IMMP2L: variants seen among roughly 807,000 people sequenced by gnomAD.
IMMP2L encodes mitochondrial inner membrane protease subunit 2.
IMMP2L carries 18 observed loss-of-function variants against 19.3 expected under a neutral mutation model. The ratio of observed to expected loss-of-function variants is 0.93; its 90% CI spans 0.64 to 1.38. IMMP2L has a LOEUF of 1.38. Ranked by LOEUF, IMMP2L falls within the 40% of genes most tolerant of loss-of-function variation. IMMP2L has a pLI of 0.00. For missense variants in IMMP2L, 233 were observed against 218.2 expected (o/e 1.07, Z -0.43); for synonymous variants, 76 against 73.0 (o/e 1.04, Z -0.21).
intron 3 of IMMP2L, among the ~76,000 whole-genome samples, chr7:111,047,008 T>C (rs1437772824): frequency 6.6e-6 from 1 of 152,076 alleles, no homozygotes; most frequent in Non-Finnish European, 1.5e-5. Context: ...AGATCATATA[T>C]CTCCTTTGCT....
intron 3 of IMMP2L, among the ~76,000 whole-genome samples, chr7:111,344,476 T>A (rs1213412194): frequency 6.6e-6 from 1 of 152,230 alleles, no homozygotes; most frequent in Non-Finnish European, 1.5e-5. Context: ...CTATTACCCA[T>A]TCACTGATCT....
At chr7:111,216,620 G>C (rs1449948641) in intron 3 of IMMP2L, among the ~76,000 whole-genome samples, 4 of 151,978 alleles carry the variant, frequency 2.6e-5, no homozygotes, top group African/African-American at 9.7e-5. Flanking sequence ...CTGTGCAATA[G>C]AACTAAAAAG....
intron 5 of IMMP2L, among the ~76,000 whole-genome samples, chr7:110,828,277 C>T (rs760775139): frequency 3.9e-5 from 6 of 152,138 alleles, no homozygotes; most frequent in Admixed American, 6.5e-5. Flanking sequence ...ATACGGCCCA[C>T]GGGCCATAGT....
At chr7:110,810,066 C>G (rs1005719010) in intron 5 of IMMP2L, among the ~76,000 whole-genome samples, 3 of 152,042 alleles carry the variant, frequency 2.0e-5, no homozygotes, top group Admixed American at 6.6e-5. Flanking sequence ...GAGCCGGTGT[C>G]CTCACTATTC....
intron 2 of IMMP2L, among the ~76,000 whole-genome samples, chr7:111,503,021 T>C (rs1241512591): frequency 5.3e-5 from 8 of 151,646 alleles, no homozygotes; most frequent in Non-Finnish European, 7.4e-5. Flanking sequence ...AAAAAATTAA[T>C]GAATCCAGGA....
chr7:111,479,718 A>G (rs557223455), intron 3 of IMMP2L, among the ~76,000 whole-genome samples: 1 of 152,268 alleles, frequency 6.6e-6, no homozygotes, highest in East Asian at 1.9e-4. Flanking sequence ...TTTTTTAAAT[A>G]TAAGAAACAG....
At chr7:110,771,775 C>T (rs1294357654) in intron 5 of IMMP2L, among the ~76,000 whole-genome samples, 1 of 152,080 alleles carries the variant, frequency 6.6e-6, no homozygotes, top group Non-Finnish European at 1.5e-5. Context: ...AATGGCTTTA[C>T]ACATATTACA....
At chr7:110,685,233 G>A (rs1793030349) in intron 5 of IMMP2L, among the ~76,000 whole-genome samples, 1 of 152,100 alleles carries the variant, frequency 6.6e-6, no homozygotes, top group Non-Finnish European at 1.5e-5. Context: ...ATCAGTCACA[G>A]ACCACAAAGA....
chr7:110,880,825 C>T (rs1290596558), intron 5 of IMMP2L, among the ~76,000 whole-genome samples: 2 of 151,996 alleles, frequency 1.3e-5, no homozygotes, highest in East Asian at 1.9e-4. Flanking sequence ...TGTAATTAAA[C>T]GGCCCAAAGG....
intron 5 of IMMP2L, among the ~76,000 whole-genome samples, chr7:110,851,951 G>A (rs1806266915): frequency 6.6e-6 from 1 of 151,964 alleles, no homozygotes; most frequent in African/African-American, 2.4e-5. Flanking sequence ...CCTTGAACAT[G>A]GGCAGGCCTT....
At chr7:111,330,842 T>C (rs1563067644) in intron 3 of IMMP2L, among the ~76,000 whole-genome samples, 1 of 151,846 alleles carries the variant, frequency 6.6e-6, no homozygotes. Context: ...ACATCGCTAA[T>C]CATTAGAGAA....
At chr7:110,798,846 A>G (rs1462570946) in intron 5 of IMMP2L, among the ~76,000 whole-genome samples, 1 of 151,966 alleles carries the variant, frequency 6.6e-6, no homozygotes, top group Non-Finnish European at 1.5e-5. Flanking sequence ...AAATTTACAT[A>G]TAGAAACATA....
chr7:110,802,363 G>GCC (rs1801319381), intron 5 of IMMP2L, among the ~76,000 whole-genome samples: 1 of 139,606 alleles, frequency 7.2e-6, no homozygotes, highest in Admixed American at 7.4e-5. Context: ...GTGTGTGTGT[G>GCC]TGTGTGCCTG....
chr7:111,195,206 A>T (rs1241236482), intron 3 of IMMP2L, among the ~76,000 whole-genome samples: 1 of 152,132 alleles, frequency 6.6e-6, no homozygotes, highest in Non-Finnish European at 1.5e-5. Flanking sequence ...TTATTAACAT[A>T]ATTTCAATTT....
intron 3 of IMMP2L, among the ~76,000 whole-genome samples, chr7:111,350,367 A>ATG (rs1418899909): frequency 6.6e-6 from 1 of 150,860 alleles, no homozygotes; most frequent in African/African-American, 2.5e-5. Flanking sequence ...ATATATATAT[A>ATG]TAGTTGGACT....
At chr7:110,993,597 A>T (rs968293478) in intron 3 of IMMP2L, among the ~76,000 whole-genome samples, 86 of 150,702 alleles carry the variant, frequency 5.7e-4, no homozygotes, top group Non-Finnish European at 9.8e-4. Flanking sequence ...GATTTCATGA[A>T]AAAAAAAAAC....
intron 3 of IMMP2L, among the ~76,000 whole-genome samples, chr7:111,119,388 T>C (rs1800304599): frequency 6.6e-6 from 1 of 152,226 alleles, no homozygotes; most frequent in Admixed American, 6.5e-5. Flanking sequence ...AAATCAACCA[T>C]ATCTAAGTCA....
chr7:110,907,669 A>G (rs982179509), intron 4 of IMMP2L, among the ~76,000 whole-genome samples: 6 of 152,208 alleles, frequency 3.9e-5, no homozygotes, highest in Non-Finnish European at 8.8e-5. Context: ...AATAGTTTCT[A>G]GATTTACTGT....
chr7:111,532,398 T>C (rs181727986), intron 1 of IMMP2L: 1 of 152,266 alleles, frequency 6.6e-6, no homozygotes, highest in East Asian at 1.9e-4. Context: ...AGAACATGGT[T>C]TCTGGGTCTC....
Sources: allele counts gnomAD v4.1 joint callset (sites outside exome capture counted in the v4.1 genomes callset), GRCh38; gene constraint gnomAD v4.1.1; transcripts MANE v1.5; gene names NCBI Gene and HGNC (gene_info 2026-07-23, HGNC 2026-07-21).